Variants in RIPK4 observed in about 807,000 individuals in gnomAD.
The protein encoded by RIPK4 is receptor-interacting serine/threonine-protein kinase 4.
In RIPK4, 17 loss-of-function variants were observed where a neutral mutation model predicts 42.9. That is an observed-to-expected ratio of 0.40 (90% confidence interval 0.27 to 0.59). RIPK4 has a LOEUF of 0.59. Ranked by LOEUF, RIPK4 falls within the 20% of genes least tolerant of loss-of-function variation. RIPK4 has a pLI of 0.47. For missense variants in RIPK4, 897 were observed against 1,104.4 expected (o/e 0.81, Z 2.66); for synonymous variants, 498 against 499.1 (o/e 1.00, Z 0.03).
chr21:41,765,603 A>G (rs1018804910), intron 1 of RIPK4, among the ~76,000 whole-genome samples: 32 of 152,236 alleles, frequency 2.1e-4, no homozygotes, highest in African/African-American at 7.7e-4. Context: ...CACCCCAGAC[A>G]CAGGCATCAC....
At chr21:41,753,219 G>T (rs1487906482) in intron 2 of RIPK4, among the ~76,000 whole-genome samples, 1 of 151,134 alleles carries the variant, frequency 6.6e-6, no homozygotes, top group African/African-American at 2.4e-5. Flanking sequence ...GGCAATAGCA[G>T]TACCCATCCT....
chr21:41,753,887 C>G (rs1414798915), intron 2 of RIPK4, among the ~76,000 whole-genome samples: 1 of 152,186 alleles, frequency 6.6e-6, no homozygotes, highest in African/African-American at 2.4e-5. Flanking sequence ...CAAGTTATTT[C>G]ATTTTTAAGT....
intron 1 of RIPK4, among the ~76,000 whole-genome samples, chr21:41,760,684 C>T (rs1354997475): frequency 6.6e-6 from 1 of 151,992 alleles, no homozygotes; most frequent in Non-Finnish European, 1.5e-5. Flanking sequence ...TGCAGGACCT[C>T]TCTGGAGCTG....
At chr21:41,763,104 C>T (rs993829851) in intron 1 of RIPK4, among the ~76,000 whole-genome samples, 4 of 152,110 alleles carry the variant, frequency 2.6e-5, no homozygotes, top group African/African-American at 9.7e-5. Context: ...CGGGAAAAGC[C>T]CCCCCTCCCC....
chr21:41,746,163 G>A (rs756294253), intron 5 of RIPK4: 12 of 659,288 alleles, frequency 1.8e-5, no homozygotes, highest in East Asian at 3.1e-5. Context: ...TCCCCATTCA[G>A]CCCGTTTCCT....
At chr21:41,762,158 A>C (rs926743577) in intron 1 of RIPK4, among the ~76,000 whole-genome samples, 1 of 152,104 alleles carries the variant, frequency 6.6e-6, no homozygotes, top group South Asian at 2.1e-4. Flanking sequence ...ATTTGAGGGC[A>C]CTTTCTCGAG....
chr21:41,749,904 AAAAAAG>A (rs1569103033), intron 3 of RIPK4, among the ~76,000 whole-genome samples: 1 of 151,778 alleles, frequency 6.6e-6, no homozygotes, highest in African/African-American at 2.4e-5. Flanking sequence ...AAAAAAAAAA[AAAAAAG>A]AAAAGAAAAA....
chr21:41,741,232 C>A lies in RIPK4; in HGVS notation c.1961G>T (p.Arg654Met). Residue 654 changes from arginine (R) to methionine (M), a missense_variant, in exon 8 of 8, where the codon AGG (arginine) becomes ATG (methionine). Physicochemically the swap from Arg to Met is moderately conservative, Grantham distance 91. Transcript: ENST00000332512. ...AAETGHTSTA[R>M]LLLHRGAGKE... ...GCCAGCGCCCCGATGCAGGAGCAGCCTGGCAGTGCTCGTGTGCCCCGTCTC... is the reference window on the plus strand; with the variant it reads ...GCCAGCGCCCCGATGCAGGAGCAGCATGGCAGTGCTCGTGTGCCCCGTCTC... 6.2e-7 allele frequency: 1 copy of A among 1,609,366 alleles called. No homozygotes were observed. Among genetic ancestry groups the A allele is most frequent in the Non-Finnish European group, 8.5e-7 (1 of 1,178,860 alleles).
At chr21:41,747,371 C>T (rs1601677680) in intron 4 of RIPK4, among the ~76,000 whole-genome samples, 1 of 152,214 alleles carries the variant, frequency 6.6e-6, no homozygotes, top group African/African-American at 2.4e-5. Flanking sequence ...CACTAGCATG[C>T]ATGGGCTCTA....
At position 41,740,729 on chromosome 21, in the gene RIPK4, C is replaced by A; in HGVS notation, c.*109G>T. Reference sequence around the variant, plus strand: ...CACCATGTCACCTCTGCTTGGTTAACATTTAGGTAAGCCACAACAGGGCCC... The same window carrying A: ...CACCATGTCACCTCTGCTTGGTTAAAATTTAGGTAAGCCACAACAGGGCCC... On this transcript the variant is annotated 3_prime_UTR_variant, in exon 8 of 8. Coordinates refer to ENST00000332512, the MANE Select transcript of RIPK4 (RefSeq NM_020639.3). 1 of 1,113,334 alleles carries A rather than the reference C, an allele frequency of 9.0e-7. No homozygotes were observed. The allele number at this position is 1,113,334 out of a possible 1,614,324, so 69.0% of individuals were successfully genotyped here.
In RIPK4 at chr21:41,755,716, C is replaced by A. The variant is rs1236947551; in HGVS notation, c.474+809G>T. Among the ~76,000 whole-genome samples the A allele has an allele frequency of 6.6e-6, 1 of 152,230 alleles. No homozygotes were observed. The highest frequency in any genetic ancestry group is 2.4e-5 in the African/African-American group (1 of 41,460). ...TGGACCAGCCTATCACCCTGGGCCT[C>A]CCAAGAGCATGTGAACATCACCACG... is the stretch of plus-strand genomic sequence containing the variant. On this transcript the variant is annotated intron_variant, in intron 2 of 7. Transcript: ENST00000332512. This position sits in a 1 kb window ranked among gnomAD's most constrained non-coding sequence, Gnocchi z 4.2.
chr21:41,749,012 G>T, intron 4 of RIPK4, 142 bp downstream of exon 4: 1 of 813,688 alleles, frequency 1.2e-6, no homozygotes. Flanking sequence ...GTCTTTTCCT[G>T]CATGCAAATT....
Position 41,741,687 on chromosome 21 carries a change from C to T in RIPK4, c.1506G>A (p.Glu502=), listed in dbSNP as rs1463324269. ...ARKISVNAKD[E]DQWTALHFAA... ...CAAAGTGGAGGGCTGTCCACTGGTC[C>T]TCATCCTTGGCGTTGACACTGATCT... The change falls in exon 8 of 8, where the codon GAG becomes GAA. Residue 502 remains glutamate (E), a synonymous_variant. Transcript: ENST00000332512. The T allele has an allele frequency of 6.2e-7, 1 of 1,613,778 alleles. No individual in the cohort carries two copies. The highest frequency in any genetic ancestry group is 8.5e-7 in the Non-Finnish European group (1 of 1,180,022).
intron 6 of RIPK4, 86 bp downstream of exon 6, chr21:41,745,673 C>CG: frequency 4.1e-6 from 4 of 975,302 alleles, no homozygotes; most frequent in Admixed American, 1.9e-5. Flanking sequence ...GTCCGGGCGG[C>CG]GGGGGACTCT....
At chr21:41,746,030 A>C (rs937366358) in intron 5 of RIPK4, 168 bp from the exon 6 acceptor site, 1 of 731,370 alleles carries the variant, frequency 1.4e-6, no homozygotes, top group African/African-American at 1.7e-5. Context: ...TTGCTGGCCA[A>C]ACCCAGGCCC....
rs1413912366 is a variant in RIPK4, at chr21:41,741,125, C to T, written c.2068G>A (p.Val690Ile). 1.2e-6 allele frequency: 2 copies of T among 1,612,738 alleles called. No individual in the cohort carries two copies. Among genetic ancestry groups the T allele is most frequent in the African/African-American group, 2.7e-5 (2 of 74,916 alleles). ...GCCAGCACATCGGCCTTCTCCTCGACAAGCAGCTTGACAGTGGCCAGGTGT... is the reference window on the plus strand; with the variant it reads ...GCCAGCACATCGGCCTTCTCCTCGATAAGCAGCTTGACAGTGGCCAGGTGT... ...NGHLATVKLL[V>I]EEKADVLARG... The change falls in exon 8 of 8, where the codon GTC becomes ATC. Residue 690 changes from valine to isoleucine, a missense_variant. Val to Ile is a conservative substitution (Grantham distance 29). Coordinates refer to ENST00000332512, the MANE Select transcript of RIPK4 (RefSeq NM_020639.3).
chr21:41,754,288 C>A (rs765830319), intron 2 of RIPK4, among the ~76,000 whole-genome samples: 1 of 152,188 alleles, frequency 6.6e-6, no homozygotes. Context: ...TCTACGCACA[C>A]CAGTAGCTAT....
rs1569103571 is a variant in RIPK4, at chr21:41,751,298, AT to A, written c.475-54del. 2 of 1,597,878 alleles carry A rather than the reference AT, an allele frequency of 1.3e-6. No homozygotes were observed. The highest frequency in any genetic ancestry group is 2.7e-5 in the African/African-American group (2 of 74,430). ...CATTAGCCTGCAACAGTGATATTTT[AT>A]GATGCTTTATCAAAAGCTCCCTTCT... On this transcript the variant is annotated intron_variant, in intron 2 of 7. Transcript: ENST00000332512. This position sits in a 1 kb window ranked among gnomAD's most constrained non-coding sequence, Gnocchi z 4.5.
At chr21:41,748,012 G>T (rs143401410) in intron 4 of RIPK4, among the ~76,000 whole-genome samples, 1 of 152,194 alleles carries the variant, frequency 6.6e-6, no homozygotes, top group East Asian at 1.9e-4. Context: ...TGTCCCCTGC[G>T]CCTAGCTTCG....
Sources: gnomAD v4.1 joint callset for allele counts (sites outside exome capture counted in the v4.1 genomes callset) on GRCh38, gnomAD v4.1.1 for gene constraint, Gnocchi (gnomAD v3.1) non-coding constraint, MANE v1.5 for transcripts, NCBI Gene and HGNC (gene_info 2026-07-23, HGNC 2026-07-21) for gene names.